Variants in RNF180 observed in about 807,000 individuals in gnomAD.
RNF180 encodes the protein E3 ubiquitin-protein ligase RNF180.
RNF180 carries 38 observed loss-of-function variants against 59.2 expected under a neutral mutation model. The observed-to-expected ratio is 0.64, with a 90% CI of 0.50 to 0.84. RNF180 has a LOEUF of 0.84. Among genes scored for constraint, RNF180 ranks in the 40% least tolerant of loss-of-function variants. The pLI is 0.00. For synonymous variants in RNF180, 262 were observed against 240.3 expected (o/e 1.09, Z -0.84); for missense variants, 705 against 700.9 (o/e 1.01, Z -0.07).
rs114858180 is a variant in RNF180 at position 64,276,801 on chromosome 5, G to A, written c.1228-48385G>A. On this transcript the variant is annotated intron_variant, in intron 5 of 7. Transcript: ENST00000389100. ...CAGAATTATTCTTTATAAAACCAGCGTATTTTATTCCACTCAAATGAAAAT... is the reference window on the plus strand; with the variant it reads ...CAGAATTATTCTTTATAAAACCAGCATATTTTATTCCACTCAAATGAAAAT... 3.5e-3 allele frequency among the ~76,000 whole-genome samples: 528 copies of A among 151,952 alleles called. 2 individuals carry two copies. Among genetic ancestry groups the A allele is most frequent in the African/African-American group, 0.011 (468 of 41,476 alleles).
chr5:64,306,699 T>C lies in RNF180; in HGVS notation c.1228-18487T>C, dbSNP rs367671642. Among the ~76,000 whole-genome samples the C allele has an allele frequency of 4.6e-5, 7 of 151,532 alleles. No homozygotes were observed. The East Asian group carries it at 7.8e-4, about 17-fold the overall frequency. On this transcript the variant is annotated intron_variant, in intron 5 of 7. Coordinates refer to ENST00000389100, the MANE Select transcript of RNF180 (RefSeq NM_001113561.2). ...GCGACATGGATGAAGCTGGAAACCA[T>C]CATTCCCAGCAAACTATCACAAGGA...
At chr5:64,285,811 G>C (rs536583700) in intron 5 of RNF180, among the ~76,000 whole-genome samples, 2 of 152,226 alleles carry the variant, frequency 1.3e-5, no homozygotes, top group Non-Finnish European at 2.9e-5. Flanking sequence ...TGAGCCTTGG[G>C]GAAGGGACAT....
intron 5 of RNF180, among the ~76,000 whole-genome samples, chr5:64,299,839 A>G (rs1248724124): frequency 6.6e-6 from 1 of 151,936 alleles, no homozygotes; most frequent in Non-Finnish European, 1.5e-5. Context: ...ACTATTAAAT[A>G]GGAAATTTCA....
At chr5:64,197,545 C>A (rs952002350) in intron 1 of RNF180, among the ~76,000 whole-genome samples, 2 of 152,226 alleles carry the variant, frequency 1.3e-5, no homozygotes, top group South Asian at 4.1e-4. Flanking sequence ...TATTCTTTAC[C>A]ACCATATAGA....
At chr5:64,182,482 A>G (rs979648541) in intron 1 of RNF180, among the ~76,000 whole-genome samples, 4 of 152,244 alleles carry the variant, frequency 2.6e-5, no homozygotes, top group East Asian at 1.9e-4. Context: ...GCTAAATTGC[A>G]TACTTCAGGA....
intron 5 of RNF180, among the ~76,000 whole-genome samples, chr5:64,232,830 G>T (rs1742181762): frequency 6.6e-6 from 1 of 152,236 alleles, no homozygotes; most frequent in African/African-American, 2.4e-5. Flanking sequence ...GTTCAAGGCA[G>T]CCTGTAAGGT....
At chr5:64,200,987 G>A (rs754236469) in intron 2 of RNF180, 45 bp downstream of exon 2, 1 of 1,549,900 alleles carries the variant, frequency 6.5e-7, no homozygotes, top group Non-Finnish European at 8.9e-7. Flanking sequence ...GTAGAGGAGT[G>A]CTGTGGGCCT....
At chr5:64,254,732 C>T (rs1035786882) in intron 5 of RNF180, among the ~76,000 whole-genome samples, 5 of 152,104 alleles carry the variant, frequency 3.3e-5, no homozygotes, top group African/African-American at 1.2e-4. Flanking sequence ...GAAGCTTATT[C>T]TATCTTTGCA....
At chr5:64,210,436 T>C (rs1400237060) in intron 2 of RNF180, among the ~76,000 whole-genome samples, 1 of 152,164 alleles carries the variant, frequency 6.6e-6, no homozygotes, top group Non-Finnish European at 1.5e-5. Flanking sequence ...CCTAGGATTA[T>C]CAATGATTGA....
At chr5:64,188,197 G>A (rs754950966) in intron 1 of RNF180, among the ~76,000 whole-genome samples, 3 of 152,172 alleles carry the variant, frequency 2.0e-5, no homozygotes, top group Non-Finnish European at 4.4e-5. Flanking sequence ...CAACAAAGCA[G>A]TTGTGGGTTA....
At chr5:64,268,775 C>T (rs150289139) in intron 5 of RNF180, among the ~76,000 whole-genome samples, 1 of 152,280 alleles carries the variant, frequency 6.6e-6, no homozygotes, top group African/African-American at 2.4e-5. Context: ...CATATTTGGA[C>T]TGCTACATCA....
intron 5 of RNF180, among the ~76,000 whole-genome samples, chr5:64,244,474 C>A (rs542417476): frequency 2.0e-5 from 3 of 151,086 alleles, no homozygotes; most frequent in Admixed American, 1.3e-4. Flanking sequence ...TCAATCAAGT[C>A]GAAGAAAGGA....
chr5:64,186,893 C>T (rs751556803), intron 1 of RNF180, among the ~76,000 whole-genome samples: 4 of 152,170 alleles, frequency 2.6e-5, no homozygotes, highest in East Asian at 1.9e-4. Context: ...CTCTTAATTC[C>T]GCATGCAATT....
intron 7 of RNF180, among the ~76,000 whole-genome samples, chr5:64,349,373 TGTA>T (rs1216027949): frequency 9.2e-5 from 14 of 151,950 alleles, no homozygotes; most frequent in Non-Finnish European, 1.6e-4. Flanking sequence ...TAATTGCCAT[TGTA>T]ATAATAATAA....
At chr5:64,273,030 C>T (rs1250149350) in intron 5 of RNF180, among the ~76,000 whole-genome samples, 1 of 151,838 alleles carries the variant, frequency 6.6e-6, no homozygotes, top group African/African-American at 2.4e-5. Context: ...GCTGTAGGTC[C>T]ATTGCCTAGG....
chr5:64,290,410 AG>A (rs1463745816), intron 5 of RNF180, among the ~76,000 whole-genome samples: 2 of 152,114 alleles, frequency 1.3e-5, no homozygotes, highest in African/African-American at 4.8e-5. Context: ...TCCAGAGCTG[AG>A]TTTAGGTCCT....
At chr5:64,205,644 T>C (rs993922988) in intron 2 of RNF180, among the ~76,000 whole-genome samples, 2 of 152,158 alleles carry the variant, frequency 1.3e-5, no homozygotes, top group East Asian at 1.9e-4. Context: ...GAACTAAAAC[T>C]GTGGATCATC....
Position 64,312,527 on chromosome 5 carries a change from T to A in RNF180, c.1228-12659T>A, listed in dbSNP as rs1474451645. Among the ~76,000 whole-genome samples the A allele has an allele frequency of 2.6e-5, 4 of 151,902 alleles. No individual in the cohort carries two copies. The East Asian group carries it at 7.7e-4, about 29-fold the overall frequency. On this transcript the variant is annotated intron_variant, in intron 5 of 7. Transcript: ENST00000389100. ...AACCACAGGGAAGTGGAGGGGAGCA[T>A]CTCTGTTCAATCAGACATTTAGCAT...
Position 64,369,997 on chromosome 5 carries a change from T to C in RNF180, c.*183T>C, listed in dbSNP as rs1283497034. 4.5e-6 allele frequency: 2 copies of C among 447,994 alleles called. No homozygotes were observed. The highest frequency in any genetic ancestry group is 7.8e-6 in the Non-Finnish European group (2 of 255,444). 27.8% of individuals were successfully genotyped at this position (447,994 alleles called of 1,614,324 possible). A position where few individuals can be genotyped will look rare whatever the true frequency, so the allele number is the denominator to read the frequency against. ...TTTTCATGTAACAAACTAAACTTTA[T>C]TCAAGAGCTAACCTACCCAGCACTT... On this transcript the variant is annotated 3_prime_UTR_variant, in exon 8 of 8. Coordinates refer to ENST00000389100, the MANE Select transcript of RNF180 (RefSeq NM_001113561.2).
Sources: gnomAD v4.1 joint callset for allele counts (sites outside exome capture counted in the v4.1 genomes callset) on GRCh38, gnomAD v4.1.1 for gene constraint, MANE v1.5 for transcripts, NCBI Gene and HGNC (gene_info 2026-07-23, HGNC 2026-07-21) for gene names.